The following BNC2 variants were observed in gnomAD, a reference collection of about 807,000 sequenced individuals.
The protein encoded by BNC2 is basonuclin zinc finger protein 2, also known as zinc finger protein basonuclin-2.
BNC2 carries 20 observed loss-of-function variants against 76.3 expected under a neutral mutation model. The ratio of observed to expected loss-of-function variants is 0.26; its 90% CI spans 0.18 to 0.38. The LOEUF is 0.38. Ranked by LOEUF, BNC2 falls within the 10% of genes least tolerant of loss-of-function variation. BNC2 has a pLI of 1.00. For missense variants in BNC2, 1,382 were observed against 1,399.8 expected (o/e 0.99, Z 0.20); for synonymous variants, 582 against 514.8 (o/e 1.13, Z -1.77).
chr9:16,739,955 G>C (rs1824792864), intron 1 of BNC2, among the ~76,000 whole-genome samples: 1 of 152,176 alleles, frequency 6.6e-6, no homozygotes, highest in African/African-American at 2.4e-5. Flanking sequence ...GGAAATGTTA[G>C]AAAACAGACT....
chr9:16,561,998 C>T (rs1819030765), intron 4 of BNC2, among the ~76,000 whole-genome samples: 1 of 152,038 alleles, frequency 6.6e-6, no homozygotes, highest in African/African-American at 2.4e-5. Context: ...GAGTGAGACC[C>T]TGTCTCAAAA....
chr9:16,759,049 A>G (rs556718347), intron 1 of BNC2, among the ~76,000 whole-genome samples: 1 of 152,352 alleles, frequency 6.6e-6, no homozygotes, highest in South Asian at 2.1e-4. Flanking sequence ...CAGGAAACTA[A>G]TTCATTTAAA....
chr9:16,536,843 T>C (rs1818144745), intron 5 of BNC2, among the ~76,000 whole-genome samples: 1 of 152,172 alleles, frequency 6.6e-6, no homozygotes. Context: ...AAACCAAATT[T>C]CTATAAACAA....
At chr9:16,488,408 T>C (rs1240326502) in intron 5 of BNC2, among the ~76,000 whole-genome samples, 4 of 152,138 alleles carry the variant, frequency 2.6e-5, no homozygotes, top group African/African-American at 9.7e-5. Flanking sequence ...CTTACACTAA[T>C]GGAAAAATTA....
At chr9:16,801,414 T>TTC (rs1227237430) in intron 1 of BNC2, among the ~76,000 whole-genome samples, 1 of 151,570 alleles carries the variant, frequency 6.6e-6, no homozygotes, top group Non-Finnish European at 1.5e-5. Flanking sequence ...TTTTTTTTTT[T>TTC]CTTAGTAGAG....
chr9:16,530,788 A>G (rs1406313686), intron 5 of BNC2, among the ~76,000 whole-genome samples: 1 of 152,196 alleles, frequency 6.6e-6, no homozygotes, highest in African/African-American at 2.4e-5. Context: ...CTAACGGCAG[A>G]CTGTTGCTCT....
intron 2 of BNC2, among the ~76,000 whole-genome samples, chr9:16,736,876 G>C (rs886926405): frequency 1.3e-5 from 2 of 151,638 alleles, no homozygotes; most frequent in African/African-American, 4.9e-5. Flanking sequence ...GCACCATCTC[G>C]GCTCACCGCA....
chr9:16,484,582 A>C (rs1822122058), intron 5 of BNC2, among the ~76,000 whole-genome samples: 1 of 152,234 alleles, frequency 6.6e-6, no homozygotes, highest in Non-Finnish European at 1.5e-5. Context: ...CCCCAATAAA[A>C]TAATCATGCG....
At chr9:16,607,431 T>G (rs1217468953) in intron 3 of BNC2, among the ~76,000 whole-genome samples, 2 of 152,098 alleles carry the variant, frequency 1.3e-5, no homozygotes, top group Non-Finnish European at 2.9e-5. Flanking sequence ...GCTGTAACAA[T>G]TCAAACTCAG....
At chr9:16,666,853 G>A (rs1160352485) in intron 3 of BNC2, among the ~76,000 whole-genome samples, 1 of 151,998 alleles carries the variant, frequency 6.6e-6, no homozygotes, top group Non-Finnish European at 1.5e-5. Flanking sequence ...AATGTAGTTA[G>A]CATTATTCAA....
chr9:16,683,600 A>T (rs1822888221), intron 3 of BNC2, among the ~76,000 whole-genome samples: 1 of 152,226 alleles, frequency 6.6e-6, no homozygotes. Context: ...TCTCTAGGAA[A>T]AAATTTAAAA....
At chr9:16,855,409 C>T (rs576754908) in intron 1 of BNC2, among the ~76,000 whole-genome samples, 17 of 152,232 alleles carry the variant, frequency 1.1e-4, no homozygotes, top group South Asian at 6.2e-4. Context: ...GAAATTCAAA[C>T]GCTTGTTAAA....
intron 4 of BNC2, among the ~76,000 whole-genome samples, chr9:16,569,741 C>T (rs576281980): frequency 3.9e-5 from 6 of 152,142 alleles, no homozygotes; most frequent in African/African-American, 9.7e-5. Flanking sequence ...AAGGTGGTAA[C>T]AGGCAAAGAG....
intron 1 of BNC2, among the ~76,000 whole-genome samples, chr9:16,802,846 T>C (rs564786772): frequency 1.3e-5 from 2 of 152,360 alleles, no homozygotes; most frequent in East Asian, 3.9e-4. Flanking sequence ...ATGTTTTCCC[T>C]TCATTTTCTT....
chr9:16,614,389 G>C (rs770832703), intron 3 of BNC2, among the ~76,000 whole-genome samples: 4 of 151,082 alleles, frequency 2.6e-5, no homozygotes. Context: ...TGCTTCAAAA[G>C]AGAAACAGAT....
intron 3 of BNC2, among the ~76,000 whole-genome samples, chr9:16,699,748 T>G (rs1423473332): frequency 6.6e-6 from 1 of 152,232 alleles, no homozygotes; most frequent in East Asian, 1.9e-4. Flanking sequence ...AGAGGTTATA[T>G]AACTTTTACA....
At chr9:16,696,788 G>A (rs114856207) in intron 3 of BNC2, among the ~76,000 whole-genome samples, 3 of 152,202 alleles carry the variant, frequency 2.0e-5, no homozygotes, top group Non-Finnish European at 2.9e-5. Flanking sequence ...ACAAATACCC[G>A]TAAGGCAAGT....
chr9:16,582,614 G>T (rs1483075164), intron 4 of BNC2, among the ~76,000 whole-genome samples: 3 of 152,184 alleles, frequency 2.0e-5, no homozygotes, highest in Admixed American at 6.5e-5. Flanking sequence ...TCTCAAGCAA[G>T]GAGGATTTGC....
At chr9:16,679,005 G>C (rs1290523093) in intron 3 of BNC2, among the ~76,000 whole-genome samples, 1 of 152,164 alleles carries the variant, frequency 6.6e-6, no homozygotes, top group Non-Finnish European at 1.5e-5. Context: ...TGGGCCCAAA[G>C]TGTCAGAGGC....
Sources: gnomAD v4.1 joint callset for allele counts (sites outside exome capture counted in the v4.1 genomes callset) on GRCh38, gnomAD v4.1.1 for gene constraint, MANE v1.5 for transcripts, NCBI Gene and HGNC (gene_info 2026-07-23, HGNC 2026-07-21) for gene names.